Variants in KPNA7 observed in about 807,000 individuals in gnomAD.
KPNA7 encodes the protein importin subunit alpha-8.
KPNA7 carries 54 observed loss-of-function variants against 53.7 expected under a neutral mutation model. The ratio of observed to expected loss-of-function variants is 1.01; its 90% CI spans 0.81 to 1.26. The LOEUF is 1.26. KPNA7 is among the 50% of genes most tolerant of loss of function. The probability of loss-of-function intolerance (pLI) is 0.00; values close to 1 mark genes in which losing one functional copy is unlikely to be tolerated. For missense variants in KPNA7, 640 were observed against 644.5 expected, an observed-to-expected ratio of 0.99 and a Z score of 0.07; for synonymous variants, 276 against 259.3, an observed-to-expected ratio of 1.06 and a Z score of -0.62.
At position 99,173,611 on chromosome 7, in the gene KPNA7, G is replaced by T; in HGVS notation, c.*97C>A. 4.5e-6 allele frequency: 3 copies of T among 667,590 alleles called. No individual in the cohort carries two copies. Among genetic ancestry groups the T allele is most frequent in the Non-Finnish European group, 2.5e-6 (1 of 395,704 alleles). 41.4% of individuals were successfully genotyped at this position (667,590 alleles called of 1,614,324 possible). A position where few individuals can be genotyped will look rare whatever the true frequency, so the allele number is the denominator to read the frequency against. On this transcript the variant is annotated 3_prime_UTR_variant, in exon 11 of 11. Transcript: ENST00000327442. The stretch of plus-strand genomic sequence containing the variant: ...ATTTTATTAATGTCAAGTTTTAAAA[G>T]CTTCACATTTGGGTTACACTAAGAT...
chr7:99,177,267 GT>G (rs1798939378), intron 10 of KPNA7, among the ~76,000 whole-genome samples: 2 of 152,154 alleles, frequency 1.3e-5, no homozygotes, highest in Non-Finnish European at 2.9e-5. Context: ...GGGAGTTTCA[GT>G]TTGGGAAGAT....
downstream of KPNA7, among the ~76,000 whole-genome samples, chr7:99,172,185 CTT>C (rs1172634803): frequency 1.3e-5 from 2 of 152,204 alleles, no homozygotes; most frequent in African/African-American, 4.8e-5. Context: ...ATGGCTATCT[CTT>C]CTGTAAATTC....
At chr7:99,150,636 G>A in the KPNA7 span, among the ~76,000 whole-genome samples, 31,634 of 151,648 alleles carry the variant, frequency 0.21, 3,389 homozygotes, top group South Asian at 0.33. Context: ...GGCTGGTCTC[G>A]AACTCCTGAC....
intron 7 of KPNA7, among the ~76,000 whole-genome samples, chr7:99,187,799 TAAAAAAAAAAAAAAA>T (rs55867906): frequency 5.2e-4 from 34 of 65,102 alleles, no homozygotes; most frequent in African/African-American, 2.6e-3. Flanking sequence ...CCTTTTTTTT[TAAAAAAAAAAAAAAA>T]AAAAAAAAAA....
chr7:99,197,050 C>A (rs1233620484), intron 3 of KPNA7, among the ~76,000 whole-genome samples: 3 of 148,480 alleles, frequency 2.0e-5, no homozygotes, highest in Non-Finnish European at 4.5e-5. Context: ...ACAACAACAA[C>A]AAAACTAAGA....
Position 99,207,437 on chromosome 7 carries a change from C to T in KPNA7, c.30G>A (p.Arg10=), listed in dbSNP as rs1168469123. 2 of 1,551,366 alleles carry T rather than the reference C, an allele frequency of 1.3e-6. No homozygotes were observed. The highest frequency in any genetic ancestry group is 2.0e-5 in the Admixed American group (1 of 50,916). Reference sequence around the variant, plus strand: ...TGCCTCGGTACTTAAATTTTCTCCGCCTCTCTTCTGGAGCATCTAAGGTCG... The same window carrying T: ...TGCCTCGGTACTTAAATTTTCTCCGTCTCTCTTCTGGAGCATCTAAGGTCG... MPTLDAPEE[R]RRKFKYRGKD... The change falls in exon 2 of 11, where the codon AGG becomes AGA. Residue 10 remains arginine (R), a synonymous_variant. Transcript: ENST00000327442.
the KPNA7 span, among the ~76,000 whole-genome samples, chr7:99,163,539 C>T: frequency 1.3e-5 from 2 of 150,478 alleles, no homozygotes; most frequent in African/African-American, 4.9e-5. Context: ...CAGATCCTCA[C>T]TACCATGCCC....
upstream of KPNA7, among the ~76,000 whole-genome samples, chr7:99,208,659 G>A (rs548107582): frequency 6.6e-6 from 1 of 152,238 alleles, no homozygotes; most frequent in Non-Finnish European, 1.5e-5. Context: ...ACCCACCTCA[G>A]CCTCCCAAAG....
intron 3 of KPNA7, 85 bp from the exon 4 acceptor site, chr7:99,196,251 A>G: frequency 1.0e-6 from 1 of 952,716 alleles, no homozygotes. Flanking sequence ...CCATCTGATT[A>G]AAACAGCCTG....
At chr7:99,160,487 C>T in the KPNA7 span, among the ~76,000 whole-genome samples, 1 of 151,932 alleles carries the variant, frequency 6.6e-6, no homozygotes, top group African/African-American at 2.4e-5. Context: ...GACAGGGTCT[C>T]GCTATGTTGC....
chr7:99,202,014 C>G (rs1790564115), intron 3 of KPNA7, among the ~76,000 whole-genome samples: 1 of 151,994 alleles, frequency 6.6e-6, no homozygotes, highest in South Asian at 2.1e-4. Context: ...GGCCTTTTTT[C>G]CCTTTTGTTT....
intron 3 of KPNA7, among the ~76,000 whole-genome samples, chr7:99,198,137 G>C (rs534575261): frequency 6.6e-6 from 1 of 152,022 alleles, no homozygotes; most frequent in Admixed American, 6.6e-5. Context: ...TTATCAGAAA[G>C]CATCAAGGCC....
chr7:99,211,893 T>C (rs1791081164), upstream of KPNA7, among the ~76,000 whole-genome samples: 1 of 152,152 alleles, frequency 6.6e-6, no homozygotes, highest in African/African-American at 2.4e-5. Context: ...CACTCTCCGA[T>C]CTCAAAGCCA....
chr7:99,212,717 CTA>C (rs1180423406), upstream of KPNA7, among the ~76,000 whole-genome samples: 1 of 151,784 alleles, frequency 6.6e-6, no homozygotes, highest in Non-Finnish European at 1.5e-5. Flanking sequence ...TGGTGAGACC[CTA>C]TCTCTACCAA....
At chr7:99,151,857 T>C in the KPNA7 span, among the ~76,000 whole-genome samples, 2 of 152,086 alleles carry the variant, frequency 1.3e-5, no homozygotes, top group South Asian at 4.1e-4. Context: ...GGTTCACTTC[T>C]AGTCATGGAG....
chr7:99,162,835 T>C, the KPNA7 span, among the ~76,000 whole-genome samples: 1 of 152,004 alleles, frequency 6.6e-6, no homozygotes, highest in African/African-American at 2.4e-5. Flanking sequence ...GGGGGAAAAA[T>C]GCTTTAAGAT....
chr7:99,178,088 C>T (rs1247491980), intron 9 of KPNA7, 22 bp from the exon 10 acceptor site: 3 of 1,548,416 alleles, frequency 1.9e-6, no homozygotes, highest in African/African-American at 1.4e-5. Flanking sequence ...TACAAGGGGA[C>T]ATGAGACCCC....
chr7:99,196,994 A>T (rs1210934103), intron 3 of KPNA7, among the ~76,000 whole-genome samples: 1 of 151,906 alleles, frequency 6.6e-6, no homozygotes, highest in Admixed American at 6.6e-5. Flanking sequence ...AGGGAATGTC[A>T]TGTATAGGGC....
At chr7:99,178,318 C>T (rs183238116) in intron 9 of KPNA7, among the ~76,000 whole-genome samples, 38 of 152,188 alleles carry the variant, frequency 2.5e-4, no homozygotes, top group African/African-American at 7.5e-4. Context: ...GCCTGTAATC[C>T]AACACTTTGG....
Sources: allele counts gnomAD v4.1 joint callset (sites outside exome capture counted in the v4.1 genomes callset), GRCh38; gene constraint gnomAD v4.1.1; transcripts MANE v1.5; gene names NCBI Gene and HGNC (gene_info 2026-07-23, HGNC 2026-07-21).